Variants in ARHGAP15 observed in about 807,000 individuals in gnomAD.
ARHGAP15 encodes the protein Rho GTPase activating protein 15.
Under a neutral mutation model 63.7 loss-of-function variants are expected in ARHGAP15, and 51 were observed. That is an observed-to-expected ratio of 0.80 (90% CI 0.64 to 1.01). The LOEUF (loss-of-function observed/expected upper bound fraction) is 1.01, where lower values mean the gene tolerates loss of function less well. Ranked by LOEUF, ARHGAP15 falls within the 50% of genes least tolerant of loss-of-function variation. The pLI is 0.00. For missense variants in ARHGAP15, 560 were observed against 564.6 expected, an observed-to-expected ratio of 0.99 and a Z score of 0.08; for synonymous variants, 191 against 193.8, an observed-to-expected ratio of 0.99 and a Z score of 0.12.
intron 6 of ARHGAP15, among the ~76,000 whole-genome samples, chr2:143,286,229 C>T (rs1682091256): frequency 1.3e-5 from 2 of 152,124 alleles, no homozygotes; most frequent in African/African-American, 4.8e-5. Flanking sequence ...AGGTGAATGA[C>T]CAACTTCATC....
Position 143,320,591 on chromosome 2 carries a change from G to A in ARHGAP15, c.474+69991G>A, listed in dbSNP as rs114155782. Among the ~76,000 whole-genome samples, 109 of 152,218 alleles carry A rather than the reference G, an allele frequency of 7.2e-4. 2 individuals carry two copies. The highest frequency in any genetic ancestry group is 2.5e-3 in the African/African-American group (103 of 41,540). ...GGACGCTACAATCTAACTGGGCTAA[G>A]CAAAGGGGGAATTCAGGGATGAATC... On this transcript the variant is annotated intron_variant, in intron 6 of 13. Transcript: ENST00000295095.
intron 11 of ARHGAP15, among the ~76,000 whole-genome samples, chr2:143,610,263 A>G (rs1260439696): frequency 1.3e-5 from 2 of 152,192 alleles, no homozygotes; most frequent in South Asian, 2.1e-4. Context: ...AGTTTATTCA[A>G]TGCCTTATCA....
chr2:143,614,988 A>G (rs1447470068), intron 11 of ARHGAP15, among the ~76,000 whole-genome samples: 1 of 152,176 alleles, frequency 6.6e-6, no homozygotes, highest in African/African-American at 2.4e-5. Context: ...GGACCTAGCT[A>G]TTTTACCTTA....
intron 6 of ARHGAP15, among the ~76,000 whole-genome samples, chr2:143,419,433 A>C (rs1688821011): frequency 1.4e-5 from 1 of 72,556 alleles, no homozygotes; most frequent in African/African-American, 4.4e-5. Context: ...CTTAACAAAA[A>C]GTCATGCTTA....
chr2:143,133,491 T>C (rs1558764979), intron 1 of ARHGAP15, among the ~76,000 whole-genome samples: 2 of 152,224 alleles, frequency 1.3e-5, no homozygotes, highest in Admixed American at 6.5e-5. Context: ...TTTATCTCAC[T>C]GTGAAGTGAC....
At chr2:143,368,003 G>A (rs1389340006) in intron 6 of ARHGAP15, among the ~76,000 whole-genome samples, 1 of 152,024 alleles carries the variant, frequency 6.6e-6, no homozygotes, top group Non-Finnish European at 1.5e-5. Context: ...CTTATTTCAA[G>A]AGAGAGATGT....
chr2:143,765,716 G>A (rs907918043), intron 13 of ARHGAP15, among the ~76,000 whole-genome samples: 1 of 152,092 alleles, frequency 6.6e-6, no homozygotes, highest in African/African-American at 2.4e-5. Context: ...GTGGCAGAGT[G>A]AAAAGCCGGC....
At position 143,145,839 on chromosome 2, in the gene ARHGAP15, G is replaced by GGTGT. The variant is rs4008348; in HGVS notation, c.-14-9601_-14-9598dup. Among the ~76,000 whole-genome samples the GGTGT allele has an allele frequency of 3.3e-3, 466 of 142,816 alleles. 3 individuals carry two copies. The highest frequency in any genetic ancestry group is 9.7e-3 in the African/African-American group (371 of 38,416). 93.7% of individuals were successfully genotyped at this position (142,816 alleles called of 152,430 possible). A position where few individuals can be genotyped will look rare whatever the true frequency, so the allele number is the denominator to read the frequency against. ...TCCTTCCAATTTATATATGTATAGG[G>GGTGT]GTGTGTGTGTGTGTGTGTGTGTGTG... On this transcript the variant is annotated intron_variant, in intron 1 of 13. Transcript: ENST00000295095.
intron 3 of ARHGAP15, among the ~76,000 whole-genome samples, chr2:143,215,556 G>T (rs1692722972): frequency 6.6e-6 from 1 of 152,292 alleles, no homozygotes; most frequent in South Asian, 2.1e-4. Flanking sequence ...AGGGAGAAGG[G>T]TGTGGGCAAT....
At chr2:143,653,202 CA>C (rs1681261701) in intron 12 of ARHGAP15, among the ~76,000 whole-genome samples, 1 of 151,988 alleles carries the variant, frequency 6.6e-6, no homozygotes, top group South Asian at 2.1e-4. Context: ...AATGCTAAAT[CA>C]AAACTACATT....
chr2:143,606,004 C>T lies in ARHGAP15; in HGVS notation c.1004-18129C>T, dbSNP rs1697994487. 2.4e-5 allele frequency among the ~76,000 whole-genome samples: 3 copies of T among 126,244 alleles called. No homozygotes were observed. The Admixed American group carries it at 3.0e-4, about 12-fold the overall frequency. 82.8% of individuals were successfully genotyped at this position (126,244 alleles called of 152,430 possible). A position where few individuals can be genotyped will look rare whatever the true frequency, so the allele number is the denominator to read the frequency against. ...TGAGCGGAGATGGTGCCACTGCACT[C>T]CAACCTGGGCGCCAGAGCAAGACTC... On this transcript the variant is annotated intron_variant, in intron 11 of 13. Coordinates refer to ENST00000295095, the MANE Select transcript of ARHGAP15 (RefSeq NM_018460.4).
rs78879299 is a variant in ARHGAP15 at position 143,520,479 on chromosome 2, A to T, written c.925+1115A>T. Among the ~76,000 whole-genome samples, 852 of 152,228 alleles carry T rather than the reference A, an allele frequency of 5.6e-3. 9 individuals carry two copies. Among genetic ancestry groups the T allele is most frequent in the African/African-American group, 0.019 (805 of 41,538 alleles). On this transcript the variant is annotated intron_variant, in intron 10 of 13. Transcript: ENST00000295095. ...GTAGGGAATGTGGATAAAGAGAATGACTTTGGGGAAAGCATATCAACACAT... is the reference window on the plus strand; with the variant it reads ...GTAGGGAATGTGGATAAAGAGAATGTCTTTGGGGAAAGCATATCAACACAT...
chr2:143,740,048 T>C (rs1018335603), intron 13 of ARHGAP15, among the ~76,000 whole-genome samples: 6 of 152,214 alleles, frequency 3.9e-5, no homozygotes, highest in Non-Finnish European at 7.3e-5. Flanking sequence ...GGTTCTCTTT[T>C]TTTCTAGCTG....
chr2:143,435,630 T>A lies in ARHGAP15; in HGVS notation c.504T>A (p.Leu168=), dbSNP rs751532542. ...QITTVSGNEF[L]LQSDIDFIIL... ...CAACAGTATCAGGAAATGAGTTCCT[T>A]CTACAGTCAGATATTGACTTCATCA... is the stretch of plus-strand genomic sequence containing the variant. The change falls in exon 7 of 14, where the codon CTT becomes CTA. Residue 168 remains leucine, a synonymous_variant. Transcript: ENST00000295095. The A allele has an allele frequency of 6.2e-7, 1 of 1,600,368 alleles. No individual in the cohort carries two copies. The highest frequency in any genetic ancestry group is 1.7e-5 in the Admixed American group (1 of 58,040).
chr2:143,153,876 C>CTCCTCCTCCTCCTCT lies in ARHGAP15; in HGVS notation c.-14-1587_-14-1586insTTCCTCCTCCTCCTC, dbSNP rs1689970905. ...CCTCCTCCTCCTCCTCCTCCTCTTC[C>CTCCTCCTCCTCCTCT]TCCTCCTCCTCCTCCTCCTCCTCCT... On this transcript the variant is annotated intron_variant, in intron 1 of 13. Transcript: ENST00000295095. Among the ~76,000 whole-genome samples, 86 of 57,338 alleles carry CTCCTCCTCCTCCTCT rather than the reference C, an allele frequency of 1.5e-3. 1 individual carries two copies. The highest frequency in any genetic ancestry group is 3.8e-3 in the African/African-American group (66 of 17,306). 37.6% of individuals were successfully genotyped at this position (57,338 alleles called of 152,430 possible).
chr2:143,478,250 A>T (rs151294145), intron 8 of ARHGAP15, among the ~76,000 whole-genome samples: 1 of 152,290 alleles, frequency 6.6e-6, no homozygotes, highest in East Asian at 1.9e-4. Flanking sequence ...CAATCCAGAG[A>T]GTATTCAGCC....
intron 12 of ARHGAP15, 136 bp downstream of exon 12, chr2:143,624,403 G>C: frequency 6.8e-6 from 7 of 1,031,466 alleles, no homozygotes; most frequent in Non-Finnish European, 9.0e-6. Context: ...TTACGTTTTC[G>C]TTTTTGTGTT....
intron 13 of ARHGAP15, among the ~76,000 whole-genome samples, chr2:143,728,912 A>G (rs1685408757): frequency 6.6e-6 from 1 of 152,186 alleles, no homozygotes; most frequent in Non-Finnish European, 1.5e-5. Context: ...TATTATTTTT[A>G]TTATTTATTT....
intron 2 of ARHGAP15, among the ~76,000 whole-genome samples, chr2:143,197,288 T>C (rs1691917190): frequency 6.6e-6 from 1 of 152,000 alleles, no homozygotes; most frequent in South Asian, 2.1e-4. Context: ...AAATAAATGG[T>C]TCATAAGGAC....
Sources: gnomAD v4.1 joint callset for allele counts (sites outside exome capture counted in the v4.1 genomes callset) on GRCh38, gnomAD v4.1.1 for gene constraint, MANE v1.5 for transcripts, NCBI Gene and HGNC (gene_info 2026-07-23, HGNC 2026-07-21) for gene names.